The following FAM110B variants were observed in gnomAD, a reference collection of about 807,000 sequenced individuals.
FAM110B encodes the protein protein FAM110B.
In FAM110B, 6 loss-of-function variants were observed where a neutral mutation model predicts 20.4. The observed-to-expected ratio is 0.29, with a 90% CI of 0.16 to 0.58. FAM110B has a LOEUF of 0.58. Ranked by LOEUF, FAM110B falls within the 20% of genes least tolerant of loss-of-function variation. The pLI, the probability that FAM110B is intolerant of heterozygous loss-of-function variation, is 0.90. For missense variants in FAM110B, 434 were observed against 498.2 expected (o/e 0.87, Z 1.23); for synonymous variants, 226 against 214.1 (o/e 1.06, Z -0.49).
intron 3 of FAM110B, among the ~76,000 whole-genome samples, chr8:58,079,951 A>G (rs1806148455): frequency 6.6e-6 from 1 of 152,242 alleles, no homozygotes; most frequent in African/African-American, 2.4e-5. Context: ...AGGATGGGCT[A>G]CAGTTATGAC....
At chr8:58,129,921 A>AT (rs1213526885) in intron 3 of FAM110B, among the ~76,000 whole-genome samples, 1 of 151,896 alleles carries the variant, frequency 6.6e-6, no homozygotes, top group Non-Finnish European at 1.5e-5. Flanking sequence ...TATTGCAATG[A>AT]TTTTTTTAAT....
chr8:58,133,080 A>C (rs1468872380), intron 3 of FAM110B, among the ~76,000 whole-genome samples: 6 of 152,154 alleles, frequency 3.9e-5, no homozygotes, highest in African/African-American at 1.4e-4. Flanking sequence ...TTTCATGTCT[A>C]ATGAAAGATG....
chr8:58,047,509 C>G (rs1035345328), intron 2 of FAM110B, among the ~76,000 whole-genome samples: 1 of 151,668 alleles, frequency 6.6e-6, no homozygotes, highest in Non-Finnish European at 1.5e-5. Flanking sequence ...AATGGCATCC[C>G]TGAACTACAT....
intron 2 of FAM110B, among the ~76,000 whole-genome samples, chr8:58,045,130 A>C (rs4237025): frequency 0.59 from 88,669 of 150,980 alleles, 27,201 homozygotes; most frequent in African/African-American, 0.78. Flanking sequence ...ATGGTTATTG[A>C]CACCTTTATT....
chr8:58,037,327 G>A (rs894983163), intron 2 of FAM110B, among the ~76,000 whole-genome samples: 5 of 150,652 alleles, frequency 3.3e-5, no homozygotes, highest in African/African-American at 5.0e-5. Flanking sequence ...TTGTTTGTTT[G>A]TTTTTTTAAT....
chr8:58,137,334 C>T lies in FAM110B; in HGVS notation c.-324-8573C>T, dbSNP rs191418032. Among the ~76,000 whole-genome samples, 64 of 152,200 alleles carry T rather than the reference C, an allele frequency of 4.2e-4. No homozygotes were observed. In the East Asian group the frequency reaches 7.3e-3, roughly 17 times the overall value. The stretch of plus-strand genomic sequence containing the variant: ...CAGCACTTTGGGAGGCCAAGGCAGG[C>T]GGATCACCTTAGGTCAGGAGTTTGA... On this transcript the variant is annotated intron_variant, in intron 3 of 3. Transcript: ENST00000519262.
At chr8:58,058,078 C>T (rs969494737) in intron 2 of FAM110B, among the ~76,000 whole-genome samples, 5 of 152,198 alleles carry the variant, frequency 3.3e-5, no homozygotes, top group African/African-American at 9.7e-5. Flanking sequence ...TTTTTACATT[C>T]TCTACAGACA....
At chr8:58,090,147 T>C (rs1021516485) in intron 3 of FAM110B, among the ~76,000 whole-genome samples, 1 of 152,154 alleles carries the variant, frequency 6.6e-6, no homozygotes, top group African/African-American at 2.4e-5. Flanking sequence ...ATAGTAAATA[T>C]ATTTTCTCTT....
intron 3 of FAM110B, among the ~76,000 whole-genome samples, chr8:58,078,163 CT>C (rs1442358998): frequency 1.3e-5 from 2 of 152,212 alleles, no homozygotes; most frequent in Non-Finnish European, 2.9e-5. Context: ...ATTTTCACTG[CT>C]CTCAATATGT....
Position 58,146,639 on chromosome 8 carries a change from C to A in FAM110B, c.409C>A (p.His137Asn). 2 of 1,613,496 alleles carry A rather than the reference C, an allele frequency of 1.2e-6. No individual in the cohort carries two copies. The highest frequency in any genetic ancestry group is 1.7e-6 in the Non-Finnish European group (2 of 1,179,760). The change falls in exon 4 of 4, where the codon CAC (histidine) becomes AAC (asparagine). Residue 137 changes from histidine (H) to asparagine (N), a missense_variant. His to Asn is a moderately conservative substitution (Grantham distance 68). Around this residue, in one of 3 missense-constraint regions of FAM110B, gnomAD observed 284 missense variants for 278.3 expected, o/e 1.02. Coordinates refer to ENST00000519262, the MANE Select transcript of FAM110B (RefSeq NM_001377989.1). The stretch of plus-strand genomic sequence containing the variant: ...CGAGGGCTCTAGCTCGGGCTCGGGG[C>A]ACAAGCACAGCTCCCGCAACTGGCC... ...SSEGSSSGSG[H>N]KHSSRNWPPH...
intron 2 of FAM110B, among the ~76,000 whole-genome samples, chr8:58,035,095 G>T (rs1284089580): frequency 6.6e-6 from 1 of 152,062 alleles, no homozygotes; most frequent in Admixed American, 6.6e-5. Context: ...TTCTTATTAG[G>T]TGCTACTTTT....
intron 2 of FAM110B, among the ~76,000 whole-genome samples, chr8:58,051,277 C>T (rs778681657): frequency 1.8e-4 from 27 of 152,116 alleles, no homozygotes; most frequent in Non-Finnish European, 3.2e-4. Context: ...GCCCTGAGTT[C>T]GAGACCAGAG....
chr8:58,093,609 A>T (rs1411369577), intron 3 of FAM110B, among the ~76,000 whole-genome samples: 1 of 152,002 alleles, frequency 6.6e-6, no homozygotes, highest in African/African-American at 2.4e-5. Flanking sequence ...TGGTCTATAC[A>T]TCTGTTTTGA....
chr8:58,126,827 A>G (rs1051363470), intron 3 of FAM110B, among the ~76,000 whole-genome samples: 1 of 152,132 alleles, frequency 6.6e-6, no homozygotes, highest in Non-Finnish European at 1.5e-5. Flanking sequence ...TATCATGCAG[A>G]TATTTTCCCC....
At chr8:58,133,036 T>C (rs777648169) in intron 3 of FAM110B, among the ~76,000 whole-genome samples, 1 of 152,178 alleles carries the variant, frequency 6.6e-6, no homozygotes, top group Non-Finnish European at 1.5e-5. Flanking sequence ...TAAAAAAAAG[T>C]ACATTTTATT....
intron 3 of FAM110B, among the ~76,000 whole-genome samples, chr8:58,107,300 G>A (rs890369406): frequency 4.6e-5 from 7 of 152,028 alleles, no homozygotes; most frequent in African/African-American, 1.7e-4. Flanking sequence ...CATTTCTGTG[G>A]TACTTTTAGT....
chr8:58,053,020 C>A (rs1016419071), intron 2 of FAM110B, among the ~76,000 whole-genome samples: 2 of 151,160 alleles, frequency 1.3e-5, no homozygotes, highest in Non-Finnish European at 2.9e-5. Flanking sequence ...CTCCTGACCT[C>A]GTGATCCGCC....
In FAM110B at chr8:58,028,839, T is replaced by C. The variant is rs180933295; in HGVS notation, c.-511-2767T>C. 1.8e-3 allele frequency among the ~76,000 whole-genome samples: 280 copies of C among 152,302 alleles called. 1 individual carries two copies. Among genetic ancestry groups the C allele is most frequent in the Middle Eastern group, 6.8e-3 (2 of 294 alleles). On this transcript the variant is annotated intron_variant, in intron 1 of 3. Coordinates refer to ENST00000519262, the MANE Select transcript of FAM110B (RefSeq NM_001377989.1). ...GCACATACTCTTTATTTCTGCGGAA[T>C]CTGTCAGTTCACATTCCCCAGGAAA...
intron 1 of FAM110B, among the ~76,000 whole-genome samples, chr8:58,010,398 T>C (rs1804508173): frequency 6.6e-6 from 1 of 152,068 alleles, no homozygotes; most frequent in African/African-American, 2.4e-5. Flanking sequence ...TTGCTTCATT[T>C]CAGGAATGTG....
Sources: allele counts gnomAD v4.1 joint callset (sites outside exome capture counted in the v4.1 genomes callset), GRCh38; gene constraint gnomAD v4.1.1; regional missense constraint gnomAD v4.1.1; transcripts MANE v1.5; gene names NCBI Gene and HGNC (gene_info 2026-07-23, HGNC 2026-07-21).